The following TRIM23 variants were observed in gnomAD, a reference collection of about 807,000 sequenced individuals.
The protein encoded by TRIM23 is E3 ubiquitin-protein ligase TRIM23.
A neutral mutation model predicts 71.0 loss-of-function variants in TRIM23; 27 were observed. That is an observed-to-expected ratio of 0.38 (90% CI 0.28 to 0.52). The LOEUF (loss-of-function observed/expected upper bound fraction) is 0.52, where lower values mean the gene tolerates loss of function less well. Ranked by LOEUF, TRIM23 falls within the 20% of genes least tolerant of loss-of-function variation. The pLI, the probability that TRIM23 is intolerant of heterozygous loss-of-function variation, is 0.84. For missense variants in TRIM23, 482 were observed against 692.3 expected (o/e 0.70, Z 3.41); for synonymous variants, 234 against 238.0 (o/e 0.98, Z 0.16).
At position 65,594,732 on chromosome 5, in the gene TRIM23, G is replaced by A. The variant is rs940630582; in HGVS notation, c.1421-87C>T. On this transcript the variant is annotated intron_variant, in intron 9 of 10. Transcript: ENST00000231524. ...AAATATTTAATGATATCATTATTAT[G>A]TTATGGTTAGAGTTTGTCTACCATC... 8 of 1,221,980 alleles carry A rather than the reference G, an allele frequency of 6.5e-6. No homozygotes were observed. In the Admixed American group the frequency reaches 1.0e-4, roughly 15 times the overall value. The allele number at this position is 1,221,980 out of a possible 1,614,324, so 75.7% of individuals were successfully genotyped here.
intron 6 of TRIM23, among the ~76,000 whole-genome samples, chr5:65,608,207 C>T (rs973336846): frequency 6.6e-5 from 10 of 152,038 alleles, no homozygotes; most frequent in African/African-American, 1.2e-4. Flanking sequence ...CTCAAACCTC[C>T]GAGAAGGGTG....
At chr5:65,613,911 AT>A in intron 3 of TRIM23, 186 bp downstream of exon 3, 1 of 1,494,432 alleles carries the variant, frequency 6.7e-7, no homozygotes, top group Non-Finnish European at 8.9e-7. Context: ...TAGGCATAGG[AT>A]TTTCAAATAA....
At chr5:65,610,464 T>C (rs915854796) in intron 5 of TRIM23, among the ~76,000 whole-genome samples, 6 of 152,264 alleles carry the variant, frequency 3.9e-5, no homozygotes, top group African/African-American at 1.4e-4. Flanking sequence ...TTTAAGTCTC[T>C]ACAATATGTA....
In TRIM23 at chr5:65,590,425, G is replaced by T; in HGVS notation, c.*1344C>A. 7.3e-7 allele frequency: 1 copy of T among 1,369,512 alleles called. No homozygotes were observed. Among genetic ancestry groups the T allele is most frequent in the Non-Finnish European group, 9.5e-7 (1 of 1,056,230 alleles). The allele number at this position is 1,369,512 out of a possible 1,614,324, so 84.8% of individuals were successfully genotyped here. A position where few individuals can be genotyped will look rare whatever the true frequency, so the allele number is the denominator to read the frequency against. ...ATTGTTTTTAAACAAAAATAGATTT[G>T]AAAAGAATGAACCACAACAGTGCTA... is the stretch of plus-strand genomic sequence containing the variant. On this transcript the variant is annotated 3_prime_UTR_variant, in exon 11 of 11. Transcript: ENST00000231524.
At position 65,592,891 on chromosome 5, in the gene TRIM23, C is replaced by T. The variant is rs904845511; in HGVS notation, c.1546-943G>A. ...TTGTGTGGCTGCAACATAATTTAAC[C>T]AGTCCTATACTGAATGTTCAGATTG... On this transcript the variant is annotated intron_variant, in intron 10 of 10. Transcript: ENST00000231524. Among the ~76,000 whole-genome samples the T allele has an allele frequency of 5.7e-4, 87 of 152,116 alleles. 1 individual carries two copies. The highest frequency in any genetic ancestry group is 3.9e-3 in the Admixed American group (60 of 15,264).
At chr5:65,613,910 G>T (rs1344822101) in intron 3 of TRIM23, 188 bp downstream of exon 3, 2 of 1,492,292 alleles carry the variant, frequency 1.3e-6, no homozygotes, top group African/African-American at 2.8e-5. Flanking sequence ...TTAGGCATAG[G>T]ATTTTCAAAT....
chr5:65,594,605 A>G lies in TRIM23; in HGVS notation c.1461T>C (p.Ile487=), dbSNP rs753802144. 6.2e-7 allele frequency: 1 copy of G among 1,611,858 alleles called. No individual in the cohort carries two copies. Among genetic ancestry groups the G allele is most frequent in the African/African-American group, 1.3e-5 (1 of 74,948 alleles). Reference sequence around the variant, plus strand: ...TTGCAAGTTCGCTGTGTGCTTCACTAATTCTGTCTCTATGACTGCTATCTA... The same window carrying G: ...TTGCAAGTTCGCTGTGTGCTTCACTGATTCTGTCTCTATGACTGCTATCTA... The part of the protein sequence containing the change: ...FVVDSSHRDR[I]SEAHSELAKL... Residue 487 remains isoleucine, a synonymous_variant, in exon 10 of 11, where the codon ATT becomes ATC. Coordinates refer to ENST00000231524, the MANE Select transcript of TRIM23 (RefSeq NM_001656.4).
At chr5:65,620,348 T>A (rs537524083) in intron 1 of TRIM23, among the ~76,000 whole-genome samples, 15 of 152,286 alleles carry the variant, frequency 9.8e-5, no homozygotes, top group Middle Eastern at 3.4e-3. Context: ...TGACAAAATC[T>A]GTATGTTACT....
chr5:65,622,536 T>A (rs2150646168), intron 1 of TRIM23, among the ~76,000 whole-genome samples: 1 of 152,372 alleles, frequency 6.6e-6, no homozygotes, highest in African/African-American at 2.4e-5. Flanking sequence ...CATGTCATTA[T>A]CAACTTGTTC....
chr5:65,609,894 A>G (rs529534492), intron 5 of TRIM23, among the ~76,000 whole-genome samples: 1 of 152,300 alleles, frequency 6.6e-6, no homozygotes, highest in Admixed American at 6.5e-5. Flanking sequence ...CTGTCTTGGT[A>G]AATGGCAACT....
In TRIM23 at chr5:65,591,770, C is replaced by T. The variant is rs1328562424; in HGVS notation, c.1724G>A (p.Ter575=). Residue 575 remains the stop codon, a stop_retained_variant, in exon 11 of 11, where the codon TGA becomes TAA. Transcript: ENST00000231524. ...TTCAAACAACTGCTGCCTTTAAAAT[C>T]AAGCAACATCCAATACTCCAGCAGC... ...LVAAGVLDVA[*] is the part of the protein sequence containing the mutation. 1 of 1,602,980 alleles carries T rather than the reference C, an allele frequency of 6.2e-7. No individual in the cohort carries two copies. The highest frequency in any genetic ancestry group is 2.2e-5 in the East Asian group (1 of 44,748).
Position 65,597,199 on chromosome 5 carries a change from T to A in TRIM23, c.1180-19A>T. 2 of 1,612,600 alleles carry A rather than the reference T, an allele frequency of 1.2e-6. No homozygotes were observed. The highest frequency in any genetic ancestry group is 2.2e-5 in the South Asian group (2 of 90,968). ...GATTATCCTACAATTTAAATATTTTTAAATATGTTTGACATGCAGTTAGAA... is the reference window on the plus strand; with the variant it reads ...GATTATCCTACAATTTAAATATTTTAAAATATGTTTGACATGCAGTTAGAA... On this transcript the variant is annotated intron_variant, in intron 7 of 10. Coordinates refer to ENST00000231524, the MANE Select transcript of TRIM23 (RefSeq NM_001656.4).
rs1754590701 is a variant in TRIM23, at chr5:65,609,314, G to C, written c.973C>G (p.Gln325Glu). The C allele has an allele frequency of 1.9e-6, 3 of 1,614,144 alleles. No homozygotes were observed. The highest frequency in any genetic ancestry group is 2.5e-6 in the Non-Finnish European group (3 of 1,180,032). Residue 325 changes from glutamine (Q) to glutamate (E), a missense_variant, in exon 6 of 11, where the codon CAA becomes GAA. Around this residue, in one of 2 missense-constraint regions of TRIM23, gnomAD observed 307 missense variants for 495.8 expected, o/e 0.62. Transcript: ENST00000231524. ...GACAACAAAATAGTCATATCTTCTTGTTGCTGCCTGAGCCAAATCAATTTT... is the reference window on the plus strand; with the variant it reads ...GACAACAAAATAGTCATATCTTCTTCTTGCTGCCTGAGCCAAATCAATTTT... The part of the protein sequence containing the change: ...REKLIWLRQQ[Q>E]EDMTILLSEV...
intron 3 of TRIM23, chr5:65,613,773 G>T: frequency 8.1e-7 from 1 of 1,238,656 alleles, no homozygotes; most frequent in Non-Finnish European, 1.0e-6. Context: ...GACTACTTTT[G>T]CATCCTCTTC....
At chr5:65,594,204 C>A (rs959512764) in intron 10 of TRIM23, among the ~76,000 whole-genome samples, 4 of 152,204 alleles carry the variant, frequency 2.6e-5, no homozygotes, top group African/African-American at 9.7e-5. Flanking sequence ...TACAATCTTA[C>A]AACATGCCAC....
At chr5:65,616,230 C>A (rs767751748) in intron 2 of TRIM23, among the ~76,000 whole-genome samples, 77 of 152,168 alleles carry the variant, frequency 5.1e-4, no homozygotes, top group Non-Finnish European at 9.1e-4. Context: ...TCAGAGAAGT[C>A]AGAGAGGAGG....
intron 7 of TRIM23, among the ~76,000 whole-genome samples, chr5:65,601,884 GGGACTCAGGGCATCAAGTCCCCA>G (rs1754372733): frequency 6.6e-6 from 1 of 152,146 alleles, no homozygotes; most frequent in African/African-American, 2.4e-5. Flanking sequence ...TGGAGCAGCT[GGGACTCAGGGCATCAAGTCCCCA>G]GGCTGCACAC....
intron 8 of TRIM23, 138 bp from the exon 9 acceptor site, chr5:65,596,669 A>G: frequency 1.6e-6 from 1 of 631,404 alleles, no homozygotes; most frequent in Non-Finnish European, 2.8e-6. Context: ...AGCCTAATCA[A>G]CCCCATTCCT....
At chr5:65,597,297 A>G (rs1754233802) in intron 7 of TRIM23, 117 bp from the exon 8 acceptor site, 3 of 1,062,406 alleles carry the variant, frequency 2.8e-6, no homozygotes, top group Non-Finnish European at 1.3e-6. Flanking sequence ...TCTGAATTGT[A>G]TTCCTCAAAA....
Sources: allele counts gnomAD v4.1 joint callset (sites outside exome capture counted in the v4.1 genomes callset), GRCh38; gene constraint gnomAD v4.1.1; regional missense constraint gnomAD v4.1.1; transcripts MANE v1.5; gene names NCBI Gene and HGNC (gene_info 2026-07-23, HGNC 2026-07-21).